The following MCMDC2 variants were observed in gnomAD, a reference collection of about 807,000 sequenced individuals.
MCMDC2 encodes minichromosome maintenance domain containing 2.
Under a neutral mutation model 75.8 loss-of-function variants are expected in MCMDC2, and 54 were observed. That is an observed-to-expected ratio of 0.71 (90% CI 0.57 to 0.89). The LOEUF (loss-of-function observed/expected upper bound fraction) is 0.89, where lower values mean the gene tolerates loss of function less well. MCMDC2 is among the 40% of genes least tolerant of loss of function. The probability of loss-of-function intolerance (pLI) is 0.00; values close to 1 mark genes in which losing one functional copy is unlikely to be tolerated. For synonymous variants in MCMDC2, 249 were observed against 274.6 expected (o/e 0.91, Z 0.92); for missense variants, 656 against 780.4 (o/e 0.84, Z 1.90).
chr8:66,911,545 C>G (rs771136706), intron 14 of MCMDC2, among the ~76,000 whole-genome samples: 1 of 152,000 alleles, frequency 6.6e-6, no homozygotes, highest in South Asian at 2.1e-4. Flanking sequence ...TGAGGGAGGC[C>G]GAGCGTGGTG....
At chr8:66,914,893 G>A (rs530421503) in intron 14 of MCMDC2, among the ~76,000 whole-genome samples, 24 of 152,198 alleles carry the variant, frequency 1.6e-4, no homozygotes, top group East Asian at 3.9e-4. Flanking sequence ...TGGGGGCAGC[G>A]GAAGGGAGGA....
intron 13 of MCMDC2, among the ~76,000 whole-genome samples, chr8:66,902,715 T>A (rs79914738): frequency 0.06 from 5,846 of 97,786 alleles, 248 homozygotes; most frequent in East Asian, 0.079. Flanking sequence ...AAAAAAAATA[T>A]ATATATATAT....
intron 10 of MCMDC2, among the ~76,000 whole-genome samples, chr8:66,895,400 C>CT (rs34840665): frequency 0.074 from 10,029 of 136,312 alleles, 420 homozygotes; most frequent in Non-Finnish European, 0.089. Flanking sequence ...TTCTTTCTTT[C>CT]TTTTTTTTTT....
chr8:66,883,668 A>G, intron 8 of MCMDC2, 89 bp from the exon 9 acceptor site: 1 of 702,712 alleles, frequency 1.4e-6, no homozygotes, highest in Non-Finnish European at 2.4e-6. Context: ...CTATAATTTG[A>G]TAACATTTTA....
At chr8:66,894,441 C>T (rs1812249863) in intron 10 of MCMDC2, among the ~76,000 whole-genome samples, 1 of 152,188 alleles carries the variant, frequency 6.6e-6, no homozygotes, top group Non-Finnish European at 1.5e-5. Flanking sequence ...TCTTTTCAGT[C>T]CTTCCTCACT....
intron 1 of MCMDC2, among the ~76,000 whole-genome samples, chr8:66,871,155 C>T (rs998952966): frequency 6.6e-6 from 1 of 152,094 alleles, no homozygotes; most frequent in Non-Finnish European, 1.5e-5. Flanking sequence ...TCCGTGAAAA[C>T]GCGTCCACTC....
Position 66,921,275 on chromosome 8 carries a change from T to A in MCMDC2, c.*2106T>A, listed in dbSNP as rs1813519683. The stretch of plus-strand genomic sequence containing the variant: ...AGGGGGTGGGGTGCAGGACGAAAAA[T>A]TAATGGGTGCAATGTACACCATTCA... On this transcript the variant is annotated 3_prime_UTR_variant, in exon 15 of 15. Coordinates refer to ENST00000422365, the MANE Select transcript of MCMDC2 (RefSeq NM_173518.5). The A allele has an allele frequency of 6.6e-6, 1 of 152,034 alleles. No homozygotes were observed. Among genetic ancestry groups the A allele is most frequent in the African/African-American group, 2.4e-5 (1 of 41,376 alleles). The allele number at this position is 152,034 out of a possible 1,614,324, so 9.4% of individuals were successfully genotyped here.
intron 12 of MCMDC2, among the ~76,000 whole-genome samples, chr8:66,899,656 C>T (rs917703192): frequency 2.0e-5 from 3 of 151,826 alleles, no homozygotes; most frequent in Non-Finnish European, 4.4e-5. Flanking sequence ...CCACCACACC[C>T]GGCTAATTTT....
intron 12 of MCMDC2, among the ~76,000 whole-genome samples, chr8:66,899,368 A>G (rs917707099): frequency 1.3e-5 from 2 of 152,194 alleles, no homozygotes; most frequent in Non-Finnish European, 2.9e-5. Context: ...GAGAGAACTT[A>G]GAGAGGGTTA....
intron 1 of MCMDC2, among the ~76,000 whole-genome samples, chr8:66,871,892 C>T (rs1463635424): frequency 6.8e-6 from 1 of 146,072 alleles, no homozygotes; most frequent in Non-Finnish European, 1.5e-5. Context: ...CATAGTGAGA[C>T]CCTGTCTCAA....
chr8:66,875,046 G>A (rs1017545260), intron 4 of MCMDC2, among the ~76,000 whole-genome samples: 2 of 152,038 alleles, frequency 1.3e-5, no homozygotes, highest in South Asian at 2.1e-4. Context: ...GAGCCACCGC[G>A]CCTGGCCAAC....
At chr8:66,895,163 C>T (rs113841357) in intron 10 of MCMDC2, among the ~76,000 whole-genome samples, 3,094 of 152,232 alleles carry the variant, frequency 0.02, 71 homozygotes, top group South Asian at 0.045. Flanking sequence ...ATAGTCAATA[C>T]AATGTAAATG....
At chr8:66,889,817 A>G (rs534599350) in intron 9 of MCMDC2, among the ~76,000 whole-genome samples, 18 of 152,124 alleles carry the variant, frequency 1.2e-4, no homozygotes, top group Non-Finnish European at 1.9e-4. Context: ...CCACTGCACT[A>G]GAGCCTTGGC....
At chr8:66,916,736 G>T (rs570791495) in intron 14 of MCMDC2, among the ~76,000 whole-genome samples, 1 of 152,278 alleles carries the variant, frequency 6.6e-6, no homozygotes, top group South Asian at 2.1e-4. Context: ...AAACATTTGA[G>T]CAAGTGAACT....
Position 66,877,505 on chromosome 8 carries a change from A to C in MCMDC2, c.442A>C (p.Arg148=). The C allele has an allele frequency of 6.2e-7, 1 of 1,607,620 alleles. No individual in the cohort carries two copies. The part of the protein sequence containing the change: ...TTITKYTQGA[R]FLCSDEACPL... ...TATAACCAAGTATACACAAGGGGCAAGATTTCTTTGTTCAGATGAAGCATG... is the reference window on the plus strand; with the variant it reads ...TATAACCAAGTATACACAAGGGGCACGATTTCTTTGTTCAGATGAAGCATG... Residue 148 remains arginine (R), a synonymous_variant, in exon 5 of 15, where the codon AGA becomes CGA. Transcript: ENST00000422365.
chr8:66,903,067 A>T (rs1812770706), intron 13 of MCMDC2, among the ~76,000 whole-genome samples: 2 of 151,408 alleles, frequency 1.3e-5, no homozygotes, highest in Non-Finnish European at 2.9e-5. Flanking sequence ...GGTTGCAGTG[A>T]GCTGCAATTG....
rs1233411638 is a variant in MCMDC2 at position 66,919,083 on chromosome 8, CTCTA to C, written c.1964_1967del (p.Tyr655Ter). On this transcript the variant is annotated frameshift_variant, in exon 15 of 15. Transcript: ENST00000422365. LOFTEE classifies it high-confidence loss of function. ...TGAAGAATACTTAGAGCAAAGGGAT[CTCTA>C]TCTGACTCAGTGCCAACAACAGCTG... 8 of 1,550,612 alleles carry C rather than the reference CTCTA, an allele frequency of 5.2e-6. No homozygotes were observed. Among genetic ancestry groups the C allele is most frequent in the Non-Finnish European group, 6.1e-6 (7 of 1,146,526 alleles).
At chr8:66,871,830 G>T (rs1195881475) in intron 1 of MCMDC2, among the ~76,000 whole-genome samples, 1 of 151,610 alleles carries the variant, frequency 6.6e-6, no homozygotes, top group Non-Finnish European at 1.5e-5. Flanking sequence ...AGCCCGGGAG[G>T]TAGAGGCTGC....
chr8:66,915,640 C>T (rs559078514), intron 14 of MCMDC2, among the ~76,000 whole-genome samples: 34 of 150,488 alleles, frequency 2.3e-4, no homozygotes, highest in Middle Eastern at 3.5e-3. Context: ...AGATATCCTA[C>T]GGATATATCA....
Sources: allele counts gnomAD v4.1 joint callset (sites outside exome capture counted in the v4.1 genomes callset), GRCh38; gene constraint gnomAD v4.1.1; transcripts MANE v1.5; gene names NCBI Gene and HGNC (gene_info 2026-07-23, HGNC 2026-07-21).